The following TRAPPC9 variants were observed in gnomAD, a reference collection of about 807,000 sequenced individuals.
TRAPPC9 encodes the protein trafficking protein particle complex subunit 9.
In TRAPPC9, 83 loss-of-function variants were observed where a neutral mutation model predicts 124.0. That is an observed-to-expected ratio of 0.67 (90% CI 0.56 to 0.80). TRAPPC9 has a LOEUF of 0.80. Among genes scored for constraint, TRAPPC9 ranks in the 30% least tolerant of loss-of-function variants. The pLI is 0.00. For synonymous variants in TRAPPC9, 638 were observed against 617.5 expected (o/e 1.03, Z -0.49); for missense variants, 1,302 against 1,508.3 (o/e 0.86, Z 2.27).
chr8:139,774,081 G>A (rs1821175747), intron 21 of TRAPPC9, among the ~76,000 whole-genome samples: 1 of 152,224 alleles, frequency 6.6e-6, no homozygotes, highest in South Asian at 2.1e-4. Context: ...CAGTGGGAGA[G>A]AGACAAGCTC....
At chr8:140,387,224 C>T (rs537486355) in intron 7 of TRAPPC9, among the ~76,000 whole-genome samples, 1 of 152,248 alleles carries the variant, frequency 6.6e-6, no homozygotes, top group East Asian at 1.9e-4. Context: ...AAACTTTAAG[C>T]TAAGTCTTTA....
intron 21 of TRAPPC9, among the ~76,000 whole-genome samples, chr8:139,861,575 C>A (rs1393550494): frequency 1.3e-5 from 2 of 152,118 alleles, no homozygotes; most frequent in Admixed American, 6.5e-5. Flanking sequence ...AATGGAGAAT[C>A]AAAGAATAAG....
At chr8:139,866,622 C>T (rs564516015) in intron 21 of TRAPPC9, among the ~76,000 whole-genome samples, 10 of 152,190 alleles carry the variant, frequency 6.6e-5, no homozygotes, top group Admixed American at 4.6e-4. Context: ...TAATGAAAGC[C>T]GACCTCTCCA....
intron 17 of TRAPPC9, among the ~76,000 whole-genome samples, chr8:140,090,278 G>A (rs1027416570): frequency 2.6e-5 from 4 of 151,984 alleles, no homozygotes; most frequent in African/African-American, 4.8e-5. Flanking sequence ...ATATACACAC[G>A]GAAACACACT....
At chr8:139,822,628 G>A (rs966784564) in intron 21 of TRAPPC9, among the ~76,000 whole-genome samples, 3 of 152,122 alleles carry the variant, frequency 2.0e-5, no homozygotes, top group African/African-American at 7.2e-5. Context: ...GGATGGCGGG[G>A]GGGGGCTGCC....
chr8:139,739,045 T>C (rs949334483), intron 21 of TRAPPC9, among the ~76,000 whole-genome samples: 2 of 152,148 alleles, frequency 1.3e-5, no homozygotes, highest in Non-Finnish European at 2.9e-5. Flanking sequence ...ATCATTCATT[T>C]ATCTAACAAG....
intron 9 of TRAPPC9, among the ~76,000 whole-genome samples, chr8:140,333,680 C>T (rs566140001): frequency 3.2e-4 from 49 of 152,308 alleles, no homozygotes; most frequent in Non-Finnish European, 4.7e-4. Flanking sequence ...CGTAAGCCAC[C>T]GCGCCTGGCC....
chr8:140,379,707 A>G (rs1241792976), intron 7 of TRAPPC9, among the ~76,000 whole-genome samples: 2 of 152,220 alleles, frequency 1.3e-5, no homozygotes, highest in Admixed American at 1.3e-4. Flanking sequence ...GGGACATACA[A>G]AATTAAGAAA....
intron 9 of TRAPPC9, among the ~76,000 whole-genome samples, chr8:140,345,534 T>C (rs959129887): frequency 1.3e-5 from 2 of 152,166 alleles, no homozygotes; most frequent in African/African-American, 4.8e-5. Context: ...CTGGTTCTCA[T>C]CTCCTCGGAT....
intron 17 of TRAPPC9, among the ~76,000 whole-genome samples, chr8:140,201,369 C>T (rs891805638): frequency 6.6e-6 from 1 of 152,260 alleles, no homozygotes; most frequent in Non-Finnish European, 1.5e-5. Flanking sequence ...TTCCCAAACA[C>T]TGTTCACCTG....
At chr8:140,339,118 C>T (rs1159225823) in intron 9 of TRAPPC9, among the ~76,000 whole-genome samples, 1 of 151,900 alleles carries the variant, frequency 6.6e-6, no homozygotes, top group African/African-American at 2.4e-5. Flanking sequence ...ACCAACGCCA[C>T]CAGACGGCCA....
chr8:139,988,261 C>T (rs750219445), intron 19 of TRAPPC9, among the ~76,000 whole-genome samples: 2 of 151,906 alleles, frequency 1.3e-5, no homozygotes, highest in Non-Finnish European at 2.9e-5. Flanking sequence ...AACAGGCATG[C>T]ACCACCATGC....
At chr8:140,086,750 A>C (rs145279327) in intron 17 of TRAPPC9, among the ~76,000 whole-genome samples, 4,343 of 152,112 alleles carry the variant, frequency 0.029, 69 homozygotes, top group South Asian at 0.04. Flanking sequence ...ACCAAGATGG[A>C]GAAACCCCAT....
intron 9 of TRAPPC9, among the ~76,000 whole-genome samples, chr8:140,355,479 A>G (rs898830301): frequency 2.6e-5 from 4 of 152,240 alleles, no homozygotes; most frequent in African/African-American, 9.6e-5. Flanking sequence ...TACAAATACC[A>G]TGGATCAAAA....
At chr8:140,419,455 A>G (rs1395982975) in intron 5 of TRAPPC9, among the ~76,000 whole-genome samples, 3 of 146,726 alleles carry the variant, frequency 2.0e-5, no homozygotes, top group African/African-American at 7.9e-5. Flanking sequence ...AAAAAAAACA[A>G]AACAAAACAA....
intron 16 of TRAPPC9, among the ~76,000 whole-genome samples, chr8:140,235,018 G>A (rs1587983081): frequency 1.3e-5 from 2 of 152,052 alleles, no homozygotes; most frequent in Admixed American, 6.5e-5. Context: ...TTGCCCAGGA[G>A]GGAGTGCAAT....
chr8:139,934,329 G>A (rs1406294769), intron 19 of TRAPPC9, among the ~76,000 whole-genome samples: 1 of 152,162 alleles, frequency 6.6e-6, no homozygotes, highest in Non-Finnish European at 1.5e-5. Flanking sequence ...TGTACGCACA[G>A]CAGGAGCGTG....
At chr8:139,942,591 C>G (rs1833982056) in intron 19 of TRAPPC9, among the ~76,000 whole-genome samples, 1 of 152,202 alleles carries the variant, frequency 6.6e-6, no homozygotes, top group Non-Finnish European at 1.5e-5. Context: ...TCCAGTACAT[C>G]TGAGCAAGCT....
chr8:140,297,361 T>TACACACACACAC (rs1376733883), intron 11 of TRAPPC9, among the ~76,000 whole-genome samples: 1 of 151,450 alleles, frequency 6.6e-6, no homozygotes, highest in Non-Finnish European at 1.5e-5. Flanking sequence ...CACACACACA[T>TACACACACACAC]ACACGCATAC....
Sources: gnomAD v4.1 joint callset for allele counts (sites outside exome capture counted in the v4.1 genomes callset) on GRCh38, gnomAD v4.1.1 for gene constraint, MANE v1.5 for transcripts, NCBI Gene and HGNC (gene_info 2026-07-23, HGNC 2026-07-21) for gene names.